COLQ: variants seen among roughly 807,000 people sequenced by gnomAD.
COLQ encodes the protein collagen like tail subunit of asymmetric acetylcholinesterase, also known as acetylcholinesterase collagenic tail peptide.
In COLQ, 48 loss-of-function variants were observed where a neutral mutation model predicts 69.0. The ratio of observed to expected loss-of-function variants is 0.70; its 90% CI spans 0.55 to 0.88. The LOEUF (loss-of-function observed/expected upper bound fraction) is 0.88, where lower values mean the gene tolerates loss of function less well. Among genes scored for constraint, COLQ ranks in the 40% least tolerant of loss-of-function variants. The probability of loss-of-function intolerance (pLI) is 0.00; values close to 1 mark genes in which losing one functional copy is unlikely to be tolerated. For synonymous variants in COLQ, 217 were observed against 211.2 expected, an observed-to-expected ratio of 1.03 and a Z score of -0.24; for missense variants, 618 against 594.6, an observed-to-expected ratio of 1.04 and a Z score of -0.41.
chr3:15,511,969 G>A (rs2062992601), intron 1 of COLQ, among the ~76,000 whole-genome samples: 1 of 152,164 alleles, frequency 6.6e-6, no homozygotes, highest in Admixed American at 6.5e-5. Flanking sequence ...GAGCAGGTGG[G>A]CAGGAAAGTC....
chr3:15,512,678 T>C (rs1299251668), intron 1 of COLQ, among the ~76,000 whole-genome samples: 1 of 152,208 alleles, frequency 6.6e-6, no homozygotes, highest in African/African-American at 2.4e-5. Context: ...TTGCCATGTG[T>C]AGAGACACCA....
At chr3:15,520,866 C>T (rs1307759081) in intron 1 of COLQ, among the ~76,000 whole-genome samples, 1 of 152,182 alleles carries the variant, frequency 6.6e-6, no homozygotes, top group Admixed American at 6.5e-5. Context: ...CACTGTGGAA[C>T]CCCCTCCACT....
Position 15,516,274 on chromosome 3 carries a change from G to A in COLQ, c.106+5246C>T, listed in dbSNP as rs182322004. On this transcript the variant is annotated intron_variant, in intron 1 of 16. Coordinates refer to ENST00000383788, the MANE Select transcript of COLQ (RefSeq NM_005677.4). ...ACAAATAAATGGTCCATAATCTAGT[G>A]CCAAGAATATGGATAGTTCCCAAGT... 1.2e-4 allele frequency among the ~76,000 whole-genome samples: 18 copies of A among 152,334 alleles called. No individual in the cohort carries two copies. In the East Asian group the frequency reaches 2.9e-3, roughly 24 times the overall value.
At chr3:15,477,017 C>T in intron 6 of COLQ, 109 bp downstream of exon 6, 1 of 1,079,746 alleles carries the variant, frequency 9.3e-7, no homozygotes, top group Non-Finnish European at 1.4e-6. Flanking sequence ...TTCTTCTTCC[C>T]CCTCTTGAAG....
At chr3:15,488,173 G>A (rs2062605206) in intron 3 of COLQ, 33 bp downstream of exon 3, 1 of 1,497,852 alleles carries the variant, frequency 6.7e-7, no homozygotes, top group African/African-American at 1.4e-5. Flanking sequence ...CTAAACAGAA[G>A]ACAGCGAGAG....
intron 6 of COLQ, 113 bp from the exon 7 acceptor site, chr3:15,475,600 A>G (rs2062366834): frequency 2.0e-6 from 2 of 1,003,510 alleles, no homozygotes; most frequent in Non-Finnish European, 3.1e-6. Flanking sequence ...TGGCTTGTAA[A>G]TCTGAGGACC....
In COLQ at chr3:15,511,554, C is replaced by A. The variant is rs540269715; in HGVS notation, c.106+9966G>T. Among the ~76,000 whole-genome samples the A allele has an allele frequency of 2.0e-5, 3 of 152,302 alleles. No homozygotes were observed. In the South Asian group the frequency reaches 6.2e-4, roughly 32 times the overall value. On this transcript the variant is annotated intron_variant, in intron 1 of 16. Transcript: ENST00000383788. Reference sequence around the variant, plus strand: ...AAGAGTGAGGGGACAAACCACCCAACCAATGCTGCTCCTGCAGGGCCCTGC... The same window carrying A: ...AAGAGTGAGGGGACAAACCACCCAAACAATGCTGCTCCTGCAGGGCCCTGC...
intron 1 of COLQ, chr3:15,496,337 A>T (rs2062745394): frequency 6.4e-6 from 1 of 155,458 alleles, no homozygotes; most frequent in South Asian, 2.0e-4. Context: ...TTTACAGCTC[A>T]TTCCTGTTCA....
At chr3:15,484,797 T>G (rs1346911283) in intron 3 of COLQ, among the ~76,000 whole-genome samples, 1 of 152,246 alleles carries the variant, frequency 6.6e-6, no homozygotes, top group African/African-American at 2.4e-5. Context: ...CTACACTGTT[T>G]ATTCTAGTTA....
At chr3:15,488,012 A>C (rs1295463475) in intron 3 of COLQ, among the ~76,000 whole-genome samples, 194 bp downstream of exon 3, 2 of 152,244 alleles carry the variant, frequency 1.3e-5, no homozygotes, top group Non-Finnish European at 2.9e-5. Context: ...TGAGGAAATC[A>C]AGGATGGGAG....
At chr3:15,462,368 C>A (rs576085289) in intron 12 of COLQ, among the ~76,000 whole-genome samples, 11 of 152,258 alleles carry the variant, frequency 7.2e-5, no homozygotes, top group Admixed American at 5.9e-4. Flanking sequence ...CCTCTCTCCC[C>A]ACCCCTCCAA....
intron 3 of COLQ, among the ~76,000 whole-genome samples, chr3:15,483,508 T>C (rs1400975967): frequency 3.3e-5 from 5 of 152,236 alleles, no homozygotes; most frequent in Non-Finnish European, 5.9e-5. Flanking sequence ...TCAGTTTCTA[T>C]GTAGTTGAGT....
intron 16 of COLQ, among the ~76,000 whole-genome samples, chr3:15,453,183 C>T (rs544833842): frequency 2.2e-4 from 33 of 152,328 alleles, no homozygotes; most frequent in African/African-American, 7.2e-4. Context: ...CCTCATGGGG[C>T]GGTGGCCCTC....
At chr3:15,472,385 A>C (rs2062302566) in intron 10 of COLQ, among the ~76,000 whole-genome samples, 2 of 152,248 alleles carry the variant, frequency 1.3e-5, no homozygotes. Context: ...GTAGTGATAT[A>C]ATAAATTAAT....
At chr3:15,494,168 G>T (rs777106846) in intron 1 of COLQ, among the ~76,000 whole-genome samples, 5 of 152,208 alleles carry the variant, frequency 3.3e-5, no homozygotes, top group Admixed American at 6.5e-5. Context: ...AAAGGGTTTA[G>T]GCTTTAATTG....
At chr3:15,451,757 G>T in intron 16 of COLQ, 44 bp from the exon 17 acceptor site, 1 of 1,536,018 alleles carries the variant, frequency 6.5e-7, no homozygotes, top group Non-Finnish European at 9.0e-7. Context: ...CCTCTTATAT[G>T]CTGGTGACTT....
At chr3:15,481,000 C>A (rs1369973141) in intron 3 of COLQ, among the ~76,000 whole-genome samples, 2 of 152,140 alleles carry the variant, frequency 1.3e-5, no homozygotes, top group African/African-American at 4.8e-5. Context: ...TCTGTTCATA[C>A]ACTTCACCCA....
intron 1 of COLQ, among the ~76,000 whole-genome samples, chr3:15,500,215 G>A (rs2125161240): frequency 6.6e-6 from 1 of 152,272 alleles, no homozygotes. Context: ...CCTTCTCTGG[G>A]GAATTCCCCT....
At chr3:15,477,380 A>C (rs1199608646) in intron 5 of COLQ, 183 bp from the exon 6 acceptor site, 6 of 613,656 alleles carry the variant, frequency 9.8e-6, no homozygotes, top group Non-Finnish European at 1.8e-5. Context: ...TGTATCATCA[A>C]ATAAGACCTT....
Sources: gnomAD v4.1 joint callset for allele counts (sites outside exome capture counted in the v4.1 genomes callset) on GRCh38, gnomAD v4.1.1 for gene constraint, MANE v1.5 for transcripts, NCBI Gene and HGNC (gene_info 2026-07-23, HGNC 2026-07-21) for gene names.